CLSTN3: variants seen among roughly 807,000 people sequenced by gnomAD.
The protein encoded by CLSTN3 is calsyntenin-3.
Under a neutral mutation model 95.9 loss-of-function variants are expected in CLSTN3, and 36 were observed. The observed-to-expected ratio is 0.38, with a 90% CI of 0.29 to 0.50. The LOEUF is 0.50. CLSTN3 is among the 20% of genes least tolerant of loss of function. CLSTN3 has a pLI of 0.95. For missense variants in CLSTN3, 1,084 were observed against 1,268.8 expected, an observed-to-expected ratio of 0.85 and a Z score of 2.21; for synonymous variants, 481 against 504.0, an observed-to-expected ratio of 0.95 and a Z score of 0.61.
rs773585718 is a variant in CLSTN3 at position 7,150,147 on chromosome 12, G to T, written c.2246-397G>T. On this transcript the variant is annotated intron_variant, in intron 14 of 17. Transcript: ENST00000266546. The surrounding 1 kb of genome is among the most constrained non-coding windows in gnomAD (Gnocchi z 4.0). Reference sequence around the variant, plus strand: ...TTTGGTAGTTTCCAAAGGAAGCCAGGAGGGAGAATGGAGAAGATGGAGATA... The same window carrying T: ...TTTGGTAGTTTCCAAAGGAAGCCAGTAGGGAGAATGGAGAAGATGGAGATA... 2.8e-3 allele frequency among the ~76,000 whole-genome samples: 428 copies of T among 152,356 alleles called. 1 individual carries two copies. Among genetic ancestry groups the T allele is most frequent in the African/African-American group, 9.4e-3 (392 of 41,590 alleles).
chr12:7,130,893 C>A, intron 1 of CLSTN3, 181 bp downstream of exon 1: 1 of 645,442 alleles, frequency 1.5e-6, no homozygotes, highest in Admixed American at 2.3e-5. Flanking sequence ...CTTCCCCCAG[C>A]TACATCTTCC....
rs938811087 is a variant in CLSTN3 at position 7,141,224 on chromosome 12, C to T, written c.1324-18C>T. On this transcript the variant is annotated intron_variant, in intron 8 of 17. Transcript: ENST00000266546. This position sits in a 1 kb window ranked among gnomAD's most constrained non-coding sequence, Gnocchi z 4.1. ...ACGAATTACCTGAGAGGCTCTTGCC[C>T]CTACCCTACTCTCCCAGGTCTGTGA... 1.2e-6 allele frequency: 2 copies of T among 1,611,082 alleles called. No homozygotes were observed. The highest frequency in any genetic ancestry group is 1.3e-5 in the African/African-American group (1 of 74,750).
In CLSTN3 at chr12:7,137,795, T is replaced by TGTGTGTGTGAGAGA. The variant is rs768487238; in HGVS notation, c.1211-159_1211-158insTGTGTGTGAGAGAG. Reference sequence around the variant, plus strand: ...GTGTGTGTGTGTGTGTGTGTGTGTGTGAGAGAGAGAGAGAGAGAGAGAGAG... The same window carrying TGTGTGTGTGAGAGA: ...GTGTGTGTGTGTGTGTGTGTGTGTGTGTGTGTGTGAGAGAGAGAGAGAGAGAGAGAGAGAGAGAG... On this transcript the variant is annotated intron_variant, in intron 7 of 17. Coordinates refer to ENST00000266546, the MANE Select transcript of CLSTN3 (RefSeq NM_014718.4). This position sits in a 1 kb window ranked among gnomAD's most constrained non-coding sequence, Gnocchi z 4.4. 2.9e-3 allele frequency among the ~76,000 whole-genome samples: 204 copies of TGTGTGTGTGAGAGA among 70,664 alleles called. 2 individuals are homozygous for TGTGTGTGTGAGAGA. The highest frequency in any genetic ancestry group is 6.3e-3 in the African/African-American group (123 of 19,448). 46.4% of individuals were successfully genotyped at this position (70,664 alleles called of 152,430 possible).
At position 7,157,789 on chromosome 12, in the gene CLSTN3, C is replaced by T. The variant is rs1201732428; in HGVS notation, c.2730+98C>T. On this transcript the variant is annotated intron_variant, in intron 17 of 17. Transcript: ENST00000266546. This position sits in a 1 kb window ranked among gnomAD's most constrained non-coding sequence, Gnocchi z 5.9. ...GGGGCAGGCCTGGGTGGAGGCTGTT[C>T]GCAGAGCTGCAGTGAGCCGGAGGGA... is the stretch of plus-strand genomic sequence containing the variant. The T allele has an allele frequency of 8.0e-6, 12 of 1,493,108 alleles. No individual in the cohort carries two copies. The highest frequency in any genetic ancestry group is 4.0e-5 in the Admixed American group (2 of 49,860). The allele number at this position is 1,493,108 out of a possible 1,614,324, so 92.5% of individuals were successfully genotyped here.
intron 8 of CLSTN3, among the ~76,000 whole-genome samples, chr12:7,139,168 A>C (rs1939483877): frequency 6.6e-6 from 1 of 152,210 alleles, no homozygotes; most frequent in South Asian, 2.1e-4. Context: ...GGGGAGATAA[A>C]GTTTTAAAAA....
chr12:7,141,200 C>G lies in CLSTN3; in HGVS notation c.1324-42C>G, dbSNP rs2305341. On this transcript the variant is annotated intron_variant, in intron 8 of 17. Coordinates refer to ENST00000266546, the MANE Select transcript of CLSTN3 (RefSeq NM_014718.4). The surrounding 1 kb of genome is among the most constrained non-coding windows in gnomAD (Gnocchi z 4.1). Reference sequence around the variant, plus strand: ...GTGCCTAGGGTTAGCTCTCTGAAGACGAATTACCTGAGAGGCTCTTGCCCC... The same window carrying G: ...GTGCCTAGGGTTAGCTCTCTGAAGAGGAATTACCTGAGAGGCTCTTGCCCC... 405,515 of 1,593,082 alleles carry G rather than the reference C, an allele frequency of 0.25. 56,522 individuals are homozygous for G. Among genetic ancestry groups the G allele is most frequent in the East Asian group, 0.55 (24,581 of 44,538 alleles).
In CLSTN3 at chr12:7,136,837, A is replaced by G. The variant is rs149615701; in HGVS notation, c.937A>G (p.Thr313Ala). 141 of 1,613,474 alleles carry G rather than the reference A, an allele frequency of 8.7e-5. No individual in the cohort carries two copies. Among genetic ancestry groups the G allele is most frequent in the Non-Finnish European group, 1.2e-4 (140 of 1,179,696 alleles). The part of the protein sequence containing the change: ...RALRKLCGAA[T>A]GEVDLLPMPG... ...TCCTGGGGCTCCCACAGGTGCTGCCACTGGGGAGGTGGATCTGTTGCCCAT... is the reference window on the plus strand; with the variant it reads ...TCCTGGGGCTCCCACAGGTGCTGCCGCTGGGGAGGTGGATCTGTTGCCCAT... Residue 313 changes from threonine (T) to alanine (A), a missense_variant, in exon 7 of 18, where the codon ACT becomes GCT. By Grantham distance (58) the Thr-to-Ala change is moderately conservative (BLOSUM62 0). Transcript: ENST00000266546.
rs762010669 is a variant in CLSTN3 at position 7,143,240 on chromosome 12, T to C, written c.1776T>C (p.His592=). The C allele has an allele frequency of 1.2e-6, 2 of 1,613,960 alleles. No homozygotes were observed. Among genetic ancestry groups the C allele is most frequent in the Admixed American group, 3.3e-5 (2 of 60,032 alleles). The change falls in exon 12 of 18, where the codon CAT becomes CAC. Residue 592 remains histidine, a synonymous_variant. Coordinates refer to ENST00000266546, the MANE Select transcript of CLSTN3 (RefSeq NM_014718.4). The stretch of plus-strand genomic sequence containing the variant: ...AGACCTTCAACCATGCCCTGCAGCA[T>C]GTGGCTTACATGAACACTCTGCGCT... ...DVETFNHALQ[H]VAYMNTLRFA...
At chr12:7,155,022 G>T (rs746384633) in intron 16 of CLSTN3, among the ~76,000 whole-genome samples, 6 of 151,970 alleles carry the variant, frequency 3.9e-5, no homozygotes, top group African/African-American at 1.5e-4. Flanking sequence ...AAAAGCCCTG[G>T]GAGTGCGGGG....
chr12:7,156,412 CTG>C (rs1426817150), intron 16 of CLSTN3: 1 of 456,814 alleles, frequency 2.2e-6, no homozygotes, highest in Admixed American at 2.3e-5. Context: ...CGGCCCACGT[CTG>C]TAGTGTCTAT....
intron 12 of CLSTN3, among the ~76,000 whole-genome samples, chr12:7,143,947 T>C (rs1261949297): frequency 1.3e-5 from 2 of 152,166 alleles, no homozygotes; most frequent in East Asian, 3.8e-4. Context: ...TAGAAAAAGT[T>C]TGCTGGCCGG....
rs1364001842 is a variant in CLSTN3, at chr12:7,133,043, G to A, written c.84G>A (p.Trp28Ter). 1 of 1,613,842 alleles carries A rather than the reference G, an allele frequency of 6.2e-7. No homozygotes were observed. The highest frequency in any genetic ancestry group is 8.5e-7 in the Non-Finnish European group (1 of 1,179,906). ...GGCCAGCCAACAAGCACAAGCCATG[G>A]ATTGAGGCAGAGTACCAGGGCATCG... is the stretch of plus-strand genomic sequence containing the variant. ...SCNKANKHKPWIEAEYQGIVM... is the reference protein window; with the variant it reads ...SCNKANKHKP The change falls in exon 2 of 18, where the codon TGG (tryptophan) becomes TGA (stop). Residue 28 changes from tryptophan (W) to a stop codon, truncating the protein, a stop_gained. Transcript: ENST00000266546. LOFTEE classifies it high-confidence loss of function. This position sits in a 1 kb window ranked among gnomAD's most constrained non-coding sequence, Gnocchi z 4.7.
intron 3 of CLSTN3, among the ~76,000 whole-genome samples, chr12:7,135,024 G>A (rs149928328): frequency 1.2e-4 from 18 of 152,188 alleles, no homozygotes; most frequent in Admixed American, 3.9e-4. Context: ...CTGGCTCTCC[G>A]TCGGGATTCC....
At chr12:7,156,309 T>C in intron 16 of CLSTN3, 1 of 457,096 alleles carries the variant, frequency 2.2e-6, no homozygotes, top group Non-Finnish European at 4.4e-6. Context: ...CGGGCTTTCC[T>C]GCTTTTCTTC....
chr12:7,130,053 G>A, upstream of CLSTN3: 1 of 204,192 alleles, frequency 4.9e-6, no homozygotes, highest in Non-Finnish European at 1.0e-5. Flanking sequence ...TGGGGGGCGG[G>A]GTGACGCGGT....
In CLSTN3 at chr12:7,142,134, C is replaced by T. The variant is rs1311160035; in HGVS notation, c.1535C>T (p.Thr512Ile). Residue 512 changes from threonine to isoleucine, a missense_variant, in exon 10 of 18, where the codon ACC becomes ATC. Transcript: ENST00000266546. ...AAGGGAGACAACAGTACAGACACCA[C>T]CCAAGGTACTCCGTGTGTAAGAACT... ...KEKGDNSTDT[T>I]QGDPLSIHHY... 1.2e-6 allele frequency: 2 copies of T among 1,609,280 alleles called. No homozygotes were observed. Among genetic ancestry groups the T allele is most frequent in the Admixed American group, 1.7e-5 (1 of 59,768 alleles).
intron 1 of CLSTN3, chr12:7,131,323 A>G (rs920060872): frequency 4.6e-6 from 1 of 219,758 alleles, no homozygotes; most frequent in African/African-American, 2.3e-5. Context: ...GAGAGGGAGG[A>G]CGGGAGGGAG....
At chr12:7,138,113 C>A in intron 8 of CLSTN3, 46 bp downstream of exon 8, 1 of 1,455,426 alleles carries the variant, frequency 6.9e-7, no homozygotes, top group Non-Finnish European at 9.6e-7. Flanking sequence ...AGATGTGACT[C>A]ACTTTTAGGA....
chr12:7,132,388 A>G (rs1404325493), intron 1 of CLSTN3: 2 of 208,080 alleles, frequency 9.6e-6, no homozygotes, highest in Non-Finnish European at 2.0e-5. Flanking sequence ...GTTGCTCAGC[A>G]TTGATTCCTC....
Sources: allele counts gnomAD v4.1 joint callset (sites outside exome capture counted in the v4.1 genomes callset), GRCh38; gene constraint gnomAD v4.1.1; non-coding constraint Gnocchi (gnomAD v3.1); transcripts MANE v1.5; gene names NCBI Gene and HGNC (gene_info 2026-07-23, HGNC 2026-07-21).